ZNF385B: variants seen among roughly 807,000 people sequenced by gnomAD.
ZNF385B encodes zinc finger protein 533.
A neutral mutation model predicts 39.2 loss-of-function variants in ZNF385B; 23 were observed. The ratio of observed to expected loss-of-function variants is 0.59; its 90% CI spans 0.42 to 0.83. The LOEUF (loss-of-function observed/expected upper bound fraction) is 0.83, where lower values mean the gene tolerates loss of function less well. Ranked by LOEUF, ZNF385B falls within the 40% of genes least tolerant of loss-of-function variation. The probability of loss-of-function intolerance (pLI) is 0.00; values close to 1 mark genes in which losing one functional copy is unlikely to be tolerated. For missense variants in ZNF385B, 552 were observed against 598.9 expected, an observed-to-expected ratio of 0.92 and a Z score of 0.82; for synonymous variants, 205 against 222.6, an observed-to-expected ratio of 0.92 and a Z score of 0.70.
intron 3 of ZNF385B, among the ~76,000 whole-genome samples, chr2:179,598,667 A>G (rs998686593): frequency 1.3e-5 from 2 of 152,194 alleles, no homozygotes; most frequent in African/African-American, 2.4e-5. Flanking sequence ...TGAATCATAT[A>G]TTAGAATTTG....
chr2:179,837,166 C>T (rs560195884), intron 1 of ZNF385B, among the ~76,000 whole-genome samples: 3 of 152,268 alleles, frequency 2.0e-5, no homozygotes, highest in African/African-American at 7.2e-5. Context: ...GAATCATTTG[C>T]TAACTAATAA....
chr2:179,714,258 C>T lies in ZNF385B; in HGVS notation c.298+55245G>A, dbSNP rs570439624. ...AATATTTATTGAGTACATGTGCCAA[C>T]GTCTGTTATTCCAGCAACATTATCT... On this transcript the variant is annotated intron_variant, in intron 3 of 9. Transcript: ENST00000410066. 2.4e-3 allele frequency among the ~76,000 whole-genome samples: 370 copies of T among 152,338 alleles called. 1 individual carries two copies. Among genetic ancestry groups the T allele is most frequent in the African/African-American group, 7.3e-3 (305 of 41,580 alleles).
At chr2:179,701,109 A>G (rs978952397) in intron 3 of ZNF385B, among the ~76,000 whole-genome samples, 1 of 152,244 alleles carries the variant, frequency 6.6e-6, no homozygotes, top group Non-Finnish European at 1.5e-5. Context: ...GTTACAATAC[A>G]AACCACTATT....
intron 5 of ZNF385B, among the ~76,000 whole-genome samples, chr2:179,505,322 T>C (rs549805016): frequency 2.0e-5 from 3 of 152,006 alleles, no homozygotes; most frequent in South Asian, 4.1e-4. Flanking sequence ...AAAAAGGAGA[T>C]TGTTAGTATT....
chr2:179,694,839 A>G (rs189201083), intron 3 of ZNF385B, among the ~76,000 whole-genome samples: 2 of 152,256 alleles, frequency 1.3e-5, no homozygotes, highest in South Asian at 2.1e-4. Context: ...CTGAGGCAGG[A>G]GAATCTCTTG....
At chr2:179,446,061 T>A (rs971851262) in intron 7 of ZNF385B, among the ~76,000 whole-genome samples, 1 of 152,166 alleles carries the variant, frequency 6.6e-6, no homozygotes, top group African/African-American at 2.4e-5. Flanking sequence ...GGGATCATAC[T>A]AATTAAATAT....
chr2:179,541,021 C>T (rs979849336), intron 4 of ZNF385B, among the ~76,000 whole-genome samples: 2 of 152,170 alleles, frequency 1.3e-5, no homozygotes, highest in African/African-American at 2.4e-5. Flanking sequence ...TTGGTCCACA[C>T]AGGCTTTTAC....
chr2:179,703,461 A>G (rs1244273701), intron 3 of ZNF385B, among the ~76,000 whole-genome samples: 1 of 152,164 alleles, frequency 6.6e-6, no homozygotes, highest in Non-Finnish European at 1.5e-5. Context: ...TATATATGTC[A>G]TTTATTTACC....
At chr2:179,554,602 G>C (rs1423027172) in intron 3 of ZNF385B, among the ~76,000 whole-genome samples, 1 of 148,794 alleles carries the variant, frequency 6.7e-6, no homozygotes, top group Admixed American at 6.7e-5. Context: ...AATCATAAAA[G>C]AAAAAAATTG....
At chr2:179,745,775 T>TTGGATAAACAAAACTTCCAGTATGTGACC (rs1702345801) in intron 3 of ZNF385B, 1 of 1,532,166 alleles carries the variant, frequency 6.5e-7, no homozygotes, top group Admixed American at 2.1e-5. Flanking sequence ...AGCAACCAAG[T>TTGGATAAACAAAACTTCCAGTATGTGACC]TGGATAAACA....
In ZNF385B at chr2:179,769,706, T is replaced by G. The variant is rs775526724; in HGVS notation, c.95A>C (p.Asn32Thr). 2 of 1,614,100 alleles carry G rather than the reference T, an allele frequency of 1.2e-6. No homozygotes were observed. The highest frequency in any genetic ancestry group is 1.7e-6 in the Non-Finnish European group (2 of 1,180,048). ...GCTCAACTGGTCCTCAGGCCTGTCG[T>G]TCTTTATCCCCTTTTCTTCAAAGCC... ...LRGFEEKGIK[N>T]DRPEDQLSKE... Residue 32 changes from asparagine to threonine, a missense_variant, in exon 3 of 10, where the codon AAC (asparagine) becomes ACC (threonine). Asn to Thr is a moderately conservative substitution (Grantham distance 65). Transcript: ENST00000410066.
intron 3 of ZNF385B, among the ~76,000 whole-genome samples, chr2:179,738,392 G>A (rs542731948): frequency 2.6e-5 from 4 of 152,132 alleles, no homozygotes; most frequent in South Asian, 2.1e-4. Context: ...CTCCAGGCAC[G>A]CTCCTGCCCA....
At chr2:179,776,334 C>G (rs769584557) in intron 1 of ZNF385B, among the ~76,000 whole-genome samples, 1 of 152,102 alleles carries the variant, frequency 6.6e-6, no homozygotes, top group Non-Finnish European at 1.5e-5. Context: ...AGGATCTAGA[C>G]ATGTGAATCT....
chr2:179,655,762 T>A (rs1693692240), intron 3 of ZNF385B, among the ~76,000 whole-genome samples: 1 of 152,132 alleles, frequency 6.6e-6, no homozygotes, highest in Non-Finnish European at 1.5e-5. Context: ...TTACATGTCA[T>A]GAAATCTAAA....
chr2:179,670,084 G>A (rs962496953), intron 3 of ZNF385B, among the ~76,000 whole-genome samples: 1 of 151,990 alleles, frequency 6.6e-6, no homozygotes, highest in Non-Finnish European at 1.5e-5. Flanking sequence ...GAGGTCAGGA[G>A]ATCGAGACCA....
chr2:179,755,990 T>G (rs539228230), intron 3 of ZNF385B, among the ~76,000 whole-genome samples: 38 of 152,318 alleles, frequency 2.5e-4, no homozygotes, highest in Middle Eastern at 3.4e-3. Context: ...GTTAGCTGGT[T>G]ATTTTGCTCA....
At chr2:179,662,714 T>C (rs1694640695) in intron 3 of ZNF385B, among the ~76,000 whole-genome samples, 1 of 152,176 alleles carries the variant, frequency 6.6e-6, no homozygotes, top group Admixed American at 6.5e-5. Context: ...AAGAATCAGC[T>C]GCTTTTTAAA....
rs534907053 is a variant in ZNF385B, at chr2:179,745,276, A to G, written c.298+24227T>C. On this transcript the variant is annotated intron_variant, in intron 3 of 9. Coordinates refer to ENST00000410066, the MANE Select transcript of ZNF385B (RefSeq NM_152520.6). ...CACTTACTTTCTTAGTTATCTCGAA[A>G]CATGACTTGTCTCCTCCTATCTGTC... Among the ~76,000 whole-genome samples, 3 of 152,242 alleles carry G rather than the reference A, an allele frequency of 2.0e-5. No homozygotes were observed. In the South Asian group the frequency reaches 6.2e-4, roughly 32 times the overall value.
At chr2:179,682,773 C>T (rs1433339801) in intron 3 of ZNF385B, among the ~76,000 whole-genome samples, 1 of 140,078 alleles carries the variant, frequency 7.1e-6, no homozygotes, top group African/African-American at 2.5e-5. Flanking sequence ...CACACACAGA[C>T]ATTTTTTAAA....
Sources: allele counts gnomAD v4.1 joint callset (sites outside exome capture counted in the v4.1 genomes callset), GRCh38; gene constraint gnomAD v4.1.1; transcripts MANE v1.5; gene names NCBI Gene and HGNC (gene_info 2026-07-23, HGNC 2026-07-21).